The following DLG2 variants were observed in gnomAD, a reference collection of about 807,000 sequenced individuals.
DLG2 encodes discs large MAGUK scaffold protein 2.
In DLG2, 45 loss-of-function variants were observed where a neutral mutation model predicts 132.5. The ratio of observed to expected loss-of-function variants is 0.34; its 90% CI spans 0.27 to 0.44. The LOEUF (loss-of-function observed/expected upper bound fraction) is 0.44, where lower values mean the gene tolerates loss of function less well. DLG2 is among the 20% of genes least tolerant of loss of function. The pLI is 1.00. For synonymous variants in DLG2, 424 were observed against 419.6 expected (o/e 1.01, Z -0.13); for missense variants, 1,045 against 1,196.9 (o/e 0.87, Z 1.87).
rs558063665 is a variant in DLG2, at chr11:85,528,232, T to C, written c.40+70425A>G. Among the ~76,000 whole-genome samples the C allele has an allele frequency of 2.6e-5, 4 of 152,362 alleles. No homozygotes were observed. In the South Asian group the frequency reaches 6.2e-4, roughly 24 times the overall value. ...TTTTGGCTTTTGTCACAATTGCTTT[T>C]GGTGTGTTAGTCTTGAAGTCTTTGC... On this transcript the variant is annotated intron_variant, in intron 3 of 27. Transcript: ENST00000376104.
chr11:83,728,912 A>C (rs937237877), intron 18 of DLG2, among the ~76,000 whole-genome samples: 1 of 152,216 alleles, frequency 6.6e-6, no homozygotes, highest in African/African-American at 2.4e-5. Context: ...GGAATAAATT[A>C]AGGTTGGTAG....
At chr11:84,253,466 A>C (rs993293178) in intron 7 of DLG2, among the ~76,000 whole-genome samples, 52 of 152,326 alleles carry the variant, frequency 3.4e-4, no homozygotes, top group African/African-American at 1.2e-3. Flanking sequence ...AAATATTATT[A>C]GTAGTAAGTG....
chr11:84,507,019 A>C (rs1202938098), intron 7 of DLG2, among the ~76,000 whole-genome samples: 1 of 152,194 alleles, frequency 6.6e-6, no homozygotes, highest in Non-Finnish European at 1.5e-5. Flanking sequence ...TTAGTTTCCA[A>C]AGTAGACATT....
intron 4 of DLG2, among the ~76,000 whole-genome samples, chr11:85,252,687 C>G (rs1483604611): frequency 6.6e-6 from 1 of 151,966 alleles, no homozygotes; most frequent in Non-Finnish European, 1.5e-5. Context: ...TAATACTTAC[C>G]TAATAAATAT....
At chr11:84,492,900 C>T (rs140089357) in intron 7 of DLG2, among the ~76,000 whole-genome samples, 184 of 152,104 alleles carry the variant, frequency 1.2e-3, no homozygotes, top group African/African-American at 4.3e-3. Flanking sequence ...CCAGGGGATA[C>T]CAACTTTTTA....
chr11:83,554,408 T>C (rs1164552550), intron 19 of DLG2, among the ~76,000 whole-genome samples: 1 of 152,204 alleles, frequency 6.6e-6, no homozygotes, highest in Admixed American at 6.6e-5. Context: ...ACTCTGTAAA[T>C]TAAAGACTAA....
chr11:84,915,996 G>T (rs2092429342), intron 6 of DLG2, among the ~76,000 whole-genome samples: 1 of 152,120 alleles, frequency 6.6e-6, no homozygotes, highest in African/African-American at 2.4e-5. Flanking sequence ...AGGAAATCAT[G>T]AACGTATACA....
intron 3 of DLG2, among the ~76,000 whole-genome samples, chr11:85,573,259 A>G (rs1237734922): frequency 6.6e-6 from 1 of 152,188 alleles, no homozygotes; most frequent in Non-Finnish European, 1.5e-5. Context: ...AGAATGGCCT[A>G]ATACAACCCT....
intron 6 of DLG2, among the ~76,000 whole-genome samples, chr11:84,758,083 T>C (rs1009842391): frequency 2.6e-5 from 4 of 152,240 alleles, no homozygotes; most frequent in Non-Finnish European, 4.4e-5. Context: ...TAAATCTGAA[T>C]ACCTCCAGCT....
chr11:83,616,216 T>C (rs1292633000), intron 19 of DLG2, among the ~76,000 whole-genome samples: 1 of 152,246 alleles, frequency 6.6e-6, no homozygotes, highest in East Asian at 1.9e-4. Context: ...TCCCTGTATA[T>C]ATTTTTGTTG....
At position 84,508,620 on chromosome 11, in the gene DLG2, G is replaced by A. The variant is rs182686188; in HGVS notation, c.519+25950C>T. Among the ~76,000 whole-genome samples the A allele has an allele frequency of 2.0e-4, 30 of 151,948 alleles. No homozygotes were observed. In the South Asian group the frequency reaches 5.4e-3, roughly 27 times the overall value. On this transcript the variant is annotated intron_variant, in intron 7 of 27. Transcript: ENST00000376104. The stretch of plus-strand genomic sequence containing the variant: ...TCACCGTGTTGGCCAGGCTGGTCTC[G>A]GACTCCTGACCTCAGGTGATCCACT...
intron 3 of DLG2, among the ~76,000 whole-genome samples, chr11:85,299,866 C>T (rs919128170): frequency 1.3e-5 from 2 of 152,160 alleles, no homozygotes; most frequent in Non-Finnish European, 2.9e-5. Context: ...TTACCAGTCT[C>T]TTACCAAAGT....
intron 19 of DLG2, among the ~76,000 whole-genome samples, chr11:83,596,157 A>G (rs952320975): frequency 2.6e-5 from 4 of 152,222 alleles, no homozygotes; most frequent in Non-Finnish European, 5.9e-5. Flanking sequence ...AACTATGACT[A>G]TGACTGTCAT....
At chr11:83,826,017 G>T (rs2052653636) in intron 17 of DLG2, among the ~76,000 whole-genome samples, 1 of 152,170 alleles carries the variant, frequency 6.6e-6, no homozygotes, top group Admixed American at 6.5e-5. Context: ...GTCCAGGCAG[G>T]CAGGGGCCAG....
At chr11:84,050,861 T>C (rs569240472) in intron 11 of DLG2, among the ~76,000 whole-genome samples, 1 of 152,136 alleles carries the variant, frequency 6.6e-6, no homozygotes, top group South Asian at 2.1e-4. Context: ...GGCTCTGTTC[T>C]GTTGCATTGG....
chr11:84,863,378 T>C (rs1309811176), intron 6 of DLG2, among the ~76,000 whole-genome samples: 1 of 152,190 alleles, frequency 6.6e-6, no homozygotes, highest in Non-Finnish European at 1.5e-5. Context: ...TTTTCCTTCA[T>C]AATGTTTTCT....
At chr11:85,166,978 T>G (rs1411080601) in intron 4 of DLG2, among the ~76,000 whole-genome samples, 3 of 152,128 alleles carry the variant, frequency 2.0e-5, no homozygotes, top group Non-Finnish European at 2.9e-5. Flanking sequence ...AAATAAGTAC[T>G]CAGTGGTTTA....
intron 16 of DLG2, among the ~76,000 whole-genome samples, chr11:83,847,707 A>C (rs2058891027): frequency 6.6e-6 from 1 of 152,134 alleles, no homozygotes; most frequent in African/African-American, 2.4e-5. Flanking sequence ...CTAGCATTTC[A>C]CATGCTTGCT....
intron 3 of DLG2, among the ~76,000 whole-genome samples, chr11:85,484,228 C>T (rs1238940305): frequency 6.7e-6 from 1 of 148,936 alleles, no homozygotes; most frequent in African/African-American, 2.5e-5. Context: ...CTCCACCCGC[C>T]CTCCCTCTCC....
Sources: allele counts gnomAD v4.1 joint callset (sites outside exome capture counted in the v4.1 genomes callset), GRCh38; gene constraint gnomAD v4.1.1; transcripts MANE v1.5; gene names NCBI Gene and HGNC (gene_info 2026-07-23, HGNC 2026-07-21).